Variants in ZNF652 observed in about 807,000 individuals in gnomAD.
The protein encoded by ZNF652 is zinc finger protein 652.
In ZNF652, 16 loss-of-function variants were observed where a neutral mutation model predicts 45.2. That is an observed-to-expected ratio of 0.35 (90% CI 0.24 to 0.54). ZNF652 has a LOEUF of 0.54. Among genes scored for constraint, ZNF652 ranks in the 20% least tolerant of loss-of-function variants. The pLI is 0.91. For missense variants in ZNF652, 614 were observed against 765.6 expected, an observed-to-expected ratio of 0.80 and a Z score of 2.34; for synonymous variants, 250 against 260.6, an observed-to-expected ratio of 0.96 and a Z score of 0.39.
In ZNF652 at chr17:49,293,675, A is replaced by C. The variant is rs2286017; in HGVS notation, c.*4738T>G. On this transcript the variant is annotated 3_prime_UTR_variant, in exon 6 of 6. Transcript: ENST00000430262. ...ATTCCTAAAAAAAAAAAAAAAAAAAAAAAAAAAAAACTCTTAAGTAATTTC... is the reference window on the plus strand; with the variant it reads ...ATTCCTAAAAAAAAAAAAAAAAAAACAAAAAAAAAACTCTTAAGTAATTTC... 4.9e-5 allele frequency among the ~76,000 whole-genome samples: 7 copies of C among 142,544 alleles called. No homozygotes were observed. Among genetic ancestry groups the C allele is most frequent in the Non-Finnish European group, 9.0e-5 (6 of 66,568 alleles). 93.5% of individuals were successfully genotyped at this position (142,544 alleles called of 152,430 possible).
intron 1 of ZNF652, among the ~76,000 whole-genome samples, chr17:49,323,026 C>T (rs1831047548): frequency 6.6e-6 from 1 of 152,152 alleles, no homozygotes; most frequent in South Asian, 2.1e-4. Flanking sequence ...GCTGGGGTGG[C>T]TGTGGCAATT....
chr17:49,307,391 A>C (rs1440739196), intron 5 of ZNF652, among the ~76,000 whole-genome samples: 3 of 134,630 alleles, frequency 2.2e-5, no homozygotes, highest in Non-Finnish European at 4.6e-5. Context: ...AGATCGGGCC[A>C]TTGCACTCTG....
At chr17:49,308,163 G>C (rs1371935494) in intron 5 of ZNF652, among the ~76,000 whole-genome samples, 1 of 151,968 alleles carries the variant, frequency 6.6e-6, no homozygotes, top group African/African-American at 2.4e-5. Context: ...ATTTTAATAA[G>C]TATGTGTTAC....
intron 1 of ZNF652, among the ~76,000 whole-genome samples, chr17:49,324,899 C>G (rs1598301090): frequency 6.6e-6 from 1 of 151,112 alleles, no homozygotes; most frequent in African/African-American, 2.4e-5. Context: ...CACCACCACG[C>G]CCGGCTAATT....
rs2069502815 is a variant in ZNF652 at position 49,298,371 on chromosome 17, A to G, written c.*42T>C. 1 of 1,609,898 alleles carries G rather than the reference A, an allele frequency of 6.2e-7. No individual in the cohort carries two copies. The highest frequency in any genetic ancestry group is 8.5e-7 in the Non-Finnish European group (1 of 1,178,780). On this transcript the variant is annotated 3_prime_UTR_variant, in exon 6 of 6. Transcript: ENST00000430262. ...CGACTCCCTCTGTGCACGCTCACAC[A>G]TGGGGACGTGTCTCCTGGAGAACAC...
chr17:49,337,914 C>T (rs771940266), intron 1 of ZNF652, among the ~76,000 whole-genome samples: 1 of 152,022 alleles, frequency 6.6e-6, no homozygotes, highest in Non-Finnish European at 1.5e-5. Context: ...TGCATTGACC[C>T]TCACCTTCAC....
At chr17:49,354,325 C>T (rs963991737) in intron 1 of ZNF652, among the ~76,000 whole-genome samples, 1 of 151,968 alleles carries the variant, frequency 6.6e-6, no homozygotes, top group African/African-American at 2.4e-5. Flanking sequence ...AAAAATGTAT[C>T]TACTTTTAAG....
intron 5 of ZNF652, among the ~76,000 whole-genome samples, chr17:49,309,672 C>T (rs2069682487): frequency 6.6e-6 from 1 of 152,168 alleles, no homozygotes; most frequent in Non-Finnish European, 1.5e-5. Context: ...AATCTGTTAA[C>T]TATTCTGATG....
rs62076441 is a variant in ZNF652, at chr17:49,327,730, A to T, written c.-258-9747T>A. ...CCTCGTGTCTACTTTTAAATAAATA[A>T]ATATATATATATATATATATATATA... is the stretch of plus-strand genomic sequence containing the variant. On this transcript the variant is annotated intron_variant, in intron 1 of 5. Coordinates refer to ENST00000430262, the MANE Select transcript of ZNF652 (RefSeq NM_001145365.3). Among the ~76,000 whole-genome samples the T allele has an allele frequency of 3.9e-3, 237 of 61,138 alleles. 19 individuals carry two copies. The highest frequency in any genetic ancestry group is 8.9e-3 in the South Asian group (11 of 1,242). The allele number at this position is 61,138 out of a possible 152,430, so 40.1% of individuals were successfully genotyped here. A position where few individuals can be genotyped will look rare whatever the true frequency, so the allele number is the denominator to read the frequency against.
intron 1 of ZNF652, among the ~76,000 whole-genome samples, chr17:49,321,519 C>T (rs967737061): frequency 5.4e-5 from 8 of 146,832 alleles, no homozygotes; most frequent in South Asian, 2.1e-4. Flanking sequence ...ATCCACCCGC[C>T]TTGACCTCCC....
At chr17:49,341,465 C>A (rs1364273180) in intron 1 of ZNF652, among the ~76,000 whole-genome samples, 1 of 110,724 alleles carries the variant, frequency 9.0e-6, no homozygotes, top group Non-Finnish European at 1.7e-5. Context: ...CCAGCCTAGG[C>A]AACATAGTAC....
At chr17:49,350,970 CATATATATATAT>C (rs372720324) in intron 1 of ZNF652, among the ~76,000 whole-genome samples, 96 of 42,276 alleles carry the variant, frequency 2.3e-3, no homozygotes, top group Non-Finnish European at 3.0e-3. Flanking sequence ...ACTCTGTCTA[CATATATATATAT>C]ATATATATAT....
chr17:49,324,468 G>A (rs2069934457), intron 1 of ZNF652, among the ~76,000 whole-genome samples: 3 of 151,980 alleles, frequency 2.0e-5, no homozygotes, highest in Non-Finnish European at 4.4e-5. Flanking sequence ...TCAGCTCACT[G>A]CAACCTCCAC....
chr17:49,345,855 AGAAAT>A (rs1400773281), intron 1 of ZNF652, among the ~76,000 whole-genome samples: 43 of 151,448 alleles, frequency 2.8e-4, no homozygotes, highest in Non-Finnish European at 5.3e-4. Context: ...AAAAAAAAAA[AGAAAT>A]GAAGTAATCA....
intron 2 of ZNF652, among the ~76,000 whole-genome samples, chr17:49,314,232 G>A (rs2069765764): frequency 6.6e-6 from 1 of 151,188 alleles, no homozygotes; most frequent in South Asian, 2.1e-4. Flanking sequence ...TGTGATCTCG[G>A]CTCACCACAA....
chr17:49,361,457 C>T (rs1013119900), intron 1 of ZNF652, among the ~76,000 whole-genome samples: 1 of 152,116 alleles, frequency 6.6e-6, no homozygotes, highest in African/African-American at 2.4e-5. Context: ...CTACTGGCGG[C>T]ACAATACTCC....
At chr17:49,309,827 G>A (rs1479794808) in intron 5 of ZNF652, among the ~76,000 whole-genome samples, 2 of 152,154 alleles carry the variant, frequency 1.3e-5, no homozygotes, top group East Asian at 3.8e-4. Flanking sequence ...TGAGAAAGAA[G>A]CCCATTAGGT....
intron 5 of ZNF652, 45 bp downstream of exon 5, chr17:49,311,267 C>A: frequency 1.9e-6 from 3 of 1,572,536 alleles, no homozygotes; most frequent in Non-Finnish European, 8.7e-7. Flanking sequence ...TGATCATCAA[C>A]AAGTGCTTGA....
At position 49,334,713 on chromosome 17, in the gene ZNF652, A is replaced by G. The variant is rs577151822; in HGVS notation, c.-258-16730T>C. Among the ~76,000 whole-genome samples the G allele has an allele frequency of 2.0e-5, 3 of 150,938 alleles. No individual in the cohort carries two copies. In the East Asian group the frequency reaches 5.9e-4, roughly 30 times the overall value. ...AGAATTGCTTGAACTCAGGAGGCAG[A>G]GGTTGCAGTGAGCTGAGATCTTGCC... On this transcript the variant is annotated intron_variant, in intron 1 of 5. Transcript: ENST00000430262.
Sources: allele counts gnomAD v4.1 joint callset (sites outside exome capture counted in the v4.1 genomes callset), GRCh38; gene constraint gnomAD v4.1.1; transcripts MANE v1.5; gene names NCBI Gene and HGNC (gene_info 2026-07-23, HGNC 2026-07-21).